PIH1D1: variants seen among roughly 807,000 people sequenced by gnomAD.
The protein encoded by PIH1D1 is PIH1 domain containing 1.
Under a neutral mutation model 38.5 loss-of-function variants are expected in PIH1D1, and 28 were observed. That is an observed-to-expected ratio of 0.73 (90% CI 0.54 to 1.00). The LOEUF (loss-of-function observed/expected upper bound fraction) is 1.00. Ranked by LOEUF, PIH1D1 falls within the 50% of genes least tolerant of loss-of-function variation. PIH1D1 has a pLI of 0.00. For synonymous variants in PIH1D1, 155 were observed against 153.5 expected, an observed-to-expected ratio of 1.01 and a Z score of -0.07; for missense variants, 343 against 369.9, an observed-to-expected ratio of 0.93 and a Z score of 0.60.
intron 2 of PIH1D1, 55 bp downstream of exon 2, chr19:49,450,727 C>T: frequency 9.1e-7 from 1 of 1,097,696 alleles, no homozygotes; most frequent in Non-Finnish European, 1.3e-6. Context: ...CCTTCCTCCT[C>T]TCTCTGTCCT....
chr19:49,451,365 A>T, intron 1 of PIH1D1, 120 bp downstream of exon 1: 1 of 1,417,246 alleles, frequency 7.1e-7, no homozygotes, highest in Non-Finnish European at 9.7e-7. Flanking sequence ...GAAGCCCATT[A>T]ACCTCAATTC....
chr19:49,451,592 C>G lies in PIH1D1; in HGVS notation c.-18G>C. 6.2e-7 allele frequency: 1 copy of G among 1,611,766 alleles called. No individual in the cohort carries two copies. Among genetic ancestry groups the G allele is most frequent in the Non-Finnish European group, 8.5e-7 (1 of 1,179,716 alleles). On this transcript the variant is annotated 5_prime_UTR_variant, in exon 1 of 9. Transcript: ENST00000262265. ...TTCGCCATGGCCCTGGGAAAGAGATCTAGGCGTCCTCGAGACCCTCAACGT... is the reference window on the plus strand; with the variant it reads ...TTCGCCATGGCCCTGGGAAAGAGATGTAGGCGTCCTCGAGACCCTCAACGT...
At chr19:49,447,938 G>T in intron 4 of PIH1D1, 30 bp from the exon 5 acceptor site, 1 of 1,613,760 alleles carries the variant, frequency 6.2e-7, no homozygotes, top group Non-Finnish European at 8.5e-7. Flanking sequence ...AAAGACAGGC[G>T]GTGGCGGGGA....
At chr19:49,448,309 C>T in intron 3 of PIH1D1, 1 of 539,024 alleles carries the variant, frequency 1.9e-6, no homozygotes, top group South Asian at 2.1e-5. Context: ...GCTCACAGCT[C>T]TTCTCTGGCT....
chr19:49,447,520 G>A, intron 5 of PIH1D1, 53 bp from the exon 6 acceptor site: 2 of 1,592,434 alleles, frequency 1.3e-6, no homozygotes, highest in Non-Finnish European at 1.7e-6. Context: ...TCCCTTTGTG[G>A]GGGCCAAGAG....
Position 49,447,063 on chromosome 19 carries a change from G to A in PIH1D1, c.648C>T (p.Ala216=), listed in dbSNP as rs768309890. Residue 216 remains alanine (A), a synonymous_variant, in exon 7 of 9, where the codon GCC becomes GCT. Coordinates refer to ENST00000262265, the MANE Select transcript of PIH1D1 (RefSeq NM_017916.3). ...CAACTTCGGCCAAGAGGAGGTCGGG[G>A]GCTTCCAGCCACAGGTTCAGGTGAG... is the stretch of plus-strand genomic sequence containing the variant. The part of the protein sequence containing the change: ...EKPHLNLWLE[A]PDLLLAEVDL... The A allele has an allele frequency of 2.5e-6, 4 of 1,613,636 alleles. No homozygotes were observed. The highest frequency in any genetic ancestry group is 3.4e-6 in the Non-Finnish European group (4 of 1,179,864).
chr19:49,446,716 G>C (rs752255912), intron 7 of PIH1D1, 22 bp from the exon 8 acceptor site: 7 of 1,535,298 alleles, frequency 4.6e-6, no homozygotes, highest in Non-Finnish European at 6.1e-6. Context: ...GCGGAATCAG[G>C]TCACCCTCCC....
rs777282214 is a variant in PIH1D1 at position 49,446,704 on chromosome 19, T to C, written c.688-10A>G. ...GCCCCAGGGCTCCATCCTGGAGAGG[T>C]GGCGGAATCAGGTCACCCTCCCCAG... On this transcript the variant is annotated splice_polypyrimidine_tract_variant and intron_variant, in intron 7 of 8. Coordinates refer to ENST00000262265, the MANE Select transcript of PIH1D1 (RefSeq NM_017916.3). The C allele has an allele frequency of 5.2e-6, 8 of 1,540,386 alleles. No individual in the cohort carries two copies. The African/African-American group carries it at 1.1e-4, about 21-fold the overall frequency.
chr19:49,450,994 T>G (rs1434954583), intron 1 of PIH1D1, 146 bp from the exon 2 acceptor site: 4 of 1,421,090 alleles, frequency 2.8e-6, no homozygotes. Flanking sequence ...CTTTGAGAAC[T>G]AGAAGAACAA....
chr19:49,450,288 T>C (rs2079050604), intron 2 of PIH1D1, among the ~76,000 whole-genome samples: 1 of 152,078 alleles, frequency 6.6e-6, no homozygotes, highest in African/African-American at 2.4e-5. Context: ...AGATGAGGTC[T>C]CACTATGTTG....
chr19:49,450,682 A>ACC, intron 2 of PIH1D1, 100 bp downstream of exon 2: 5 of 166,138 alleles, frequency 3.0e-5, no homozygotes, highest in South Asian at 1.5e-4. Context: ...TGCTCACCCC[A>ACC]CCCCCACCCT....
At chr19:49,450,911 TCAA>T (rs779934532) in intron 1 of PIH1D1, 63 bp from the exon 2 acceptor site, 1 of 1,611,396 alleles carries the variant, frequency 6.2e-7, no homozygotes, top group South Asian at 1.1e-5. Context: ...CATTTGTTCC[TCAA>T]ATGGAGCAAT....
intron 7 of PIH1D1, 94 bp downstream of exon 7, chr19:49,446,930 G>T: frequency 8.2e-7 from 1 of 1,226,384 alleles, no homozygotes; most frequent in Non-Finnish European, 1.2e-6. Context: ...CAACTGACAA[G>T]TCCAGCAACA....
Position 49,449,465 on chromosome 19 carries a change from G to C in PIH1D1, c.337+10C>G. ...CGGGCCAGACTCCTGGGTCCTCTGA[G>C]GGCACTGACTTGCATCCAGTTCTGC... On this transcript the variant is annotated intron_variant, in intron 3 of 8. Transcript: ENST00000262265. 6.2e-7 allele frequency: 1 copy of C among 1,613,862 alleles called. No homozygotes were observed. The highest frequency in any genetic ancestry group is 1.1e-5 in the South Asian group (1 of 91,082).
chr19:49,449,322 AG>A, intron 3 of PIH1D1, 152 bp downstream of exon 3: 6 of 782,462 alleles, frequency 7.7e-6, no homozygotes, highest in Non-Finnish European at 1.1e-5. Context: ...TGGGATGTCC[AG>A]GGCACTAGAG....
At chr19:49,451,121 C>CTT (rs2079056793) in intron 1 of PIH1D1, among the ~76,000 whole-genome samples, 1 of 150,896 alleles carries the variant, frequency 6.6e-6, no homozygotes, top group Non-Finnish European at 1.5e-5. Flanking sequence ...GCTTCGCCTC[C>CTT]CGGGTTCACG....
chr19:49,446,326 T>C lies in PIH1D1; in HGVS notation c.*56A>G. 1 of 783,086 alleles carries C rather than the reference T, an allele frequency of 1.3e-6. No homozygotes were observed. The highest frequency in any genetic ancestry group is 2.4e-6 in the Non-Finnish European group (1 of 420,254). 48.5% of individuals were successfully genotyped at this position (783,086 alleles called of 1,614,324 possible). A position where few individuals can be genotyped will look rare whatever the true frequency, so the allele number is the denominator to read the frequency against. On this transcript the variant is annotated 3_prime_UTR_variant, in exon 9 of 9. Coordinates refer to ENST00000262265, the MANE Select transcript of PIH1D1 (RefSeq NM_017916.3). Reference sequence around the variant, plus strand: ...AGGCAAAAATCTTTTATTTCAACTTTTAGGGAAGCCAGCAGCCTCTTCTCC... The same window carrying C: ...AGGCAAAAATCTTTTATTTCAACTTCTAGGGAAGCCAGCAGCCTCTTCTCC...
intron 6 of PIH1D1, 81 bp from the exon 7 acceptor site, chr19:49,447,180 G>A: frequency 1.4e-6 from 2 of 1,466,290 alleles, no homozygotes; most frequent in Non-Finnish European, 1.9e-6. Context: ...CCTCCAACCA[G>A]CCCTATTGGC....
At chr19:49,449,790 T>TTA in intron 2 of PIH1D1, 136 bp from the exon 3 acceptor site, 1 of 557,946 alleles carries the variant, frequency 1.8e-6, no homozygotes, top group Non-Finnish European at 3.0e-6. Flanking sequence ...GATCCCTCAC[T>TTA]TCTCTTTTTT....
Sources: gnomAD v4.1 joint callset for allele counts (sites outside exome capture counted in the v4.1 genomes callset) on GRCh38, gnomAD v4.1.1 for gene constraint, MANE v1.5 for transcripts, NCBI Gene and HGNC (gene_info 2026-07-23, HGNC 2026-07-21) for gene names.